Variants in NAA15 observed in about 807,000 individuals in gnomAD.
NAA15 encodes N-alpha-acetyltransferase 15, NatA auxiliary subunit.
NAA15 carries 34 observed loss-of-function variants against 114.0 expected under a neutral mutation model. That is an observed-to-expected ratio of 0.30 (90% CI 0.23 to 0.40). The LOEUF is 0.40. Ranked by LOEUF, NAA15 falls within the 10% of genes least tolerant of loss-of-function variation. The pLI is 1.00. For missense variants in NAA15, 658 were observed against 1,004.5 expected (o/e 0.66, Z 4.66); for synonymous variants, 340 against 338.0 (o/e 1.01, Z -0.06).
At chr4:139,380,258 TG>T (rs35235136) in intron 17 of NAA15, among the ~76,000 whole-genome samples, 40,309 of 143,974 alleles carry the variant, frequency 0.28, 5,696 homozygotes, top group African/African-American at 0.34. Context: ...TTAGTTTTTT[TG>T]GGGGGGGGGA....
intron 6 of NAA15, among the ~76,000 whole-genome samples, chr4:139,347,100 A>G (rs918557427): frequency 3.3e-5 from 5 of 152,082 alleles, no homozygotes; most frequent in Non-Finnish European, 7.4e-5. Flanking sequence ...TTTTTGATGA[A>G]GTTGGCTTTT....
chr4:139,368,541 T>C (rs1458557619), intron 14 of NAA15, among the ~76,000 whole-genome samples: 1 of 152,210 alleles, frequency 6.6e-6, no homozygotes, highest in Non-Finnish European at 1.5e-5. Flanking sequence ...CATTGGTCTT[T>C]CCATAAGATT....
intron 1 of NAA15, among the ~76,000 whole-genome samples, chr4:139,322,847 A>G (rs1746665673): frequency 6.6e-6 from 1 of 151,704 alleles, no homozygotes; most frequent in Admixed American, 6.6e-5. Context: ...ATGCACCACC[A>G]TGCTTGGCTA....
intron 1 of NAA15, among the ~76,000 whole-genome samples, chr4:139,306,884 G>C (rs1198494580): frequency 1.3e-5 from 2 of 152,112 alleles, no homozygotes; most frequent in Admixed American, 1.3e-4. Flanking sequence ...TTGGTAGGTT[G>C]GTTGCTGTTG....
At chr4:139,317,869 A>C (rs1746466469) in intron 1 of NAA15, among the ~76,000 whole-genome samples, 1 of 152,166 alleles carries the variant, frequency 6.6e-6, no homozygotes, top group African/African-American at 2.4e-5. Context: ...TCTGTCAATC[A>C]TGTGTGTAAT....
intron 1 of NAA15, among the ~76,000 whole-genome samples, chr4:139,312,594 C>T (rs763668831): frequency 6.6e-5 from 10 of 151,770 alleles, no homozygotes; most frequent in African/African-American, 9.7e-5. Context: ...CTTGTAATCC[C>T]ATCGCTTTGG....
rs1560966086 is a variant in NAA15, at chr4:139,342,853, C to T, written c.430C>T (p.Arg144Ter). Residue 144 changes from arginine (R) to a stop codon, truncating the protein, a stop_gained, in exon 5 of 20, where the codon CGA (arginine) becomes TGA (stop). Transcript: ENST00000296543. LOFTEE classifies it high-confidence loss of function. ...AACGAGGTATCAGTTACTTCAGCTT[C>T]GACCTGCGCAGAGAGCATCATGGAT... is the stretch of plus-strand genomic sequence containing the variant. ...RETRYQLLQL[R>*]PAQRASWIGY... The T allele has an allele frequency of 6.2e-7, 1 of 1,612,284 alleles. No homozygotes were observed. Among genetic ancestry groups the T allele is most frequent in the South Asian group, 1.1e-5 (1 of 90,566 alleles).
At chr4:139,380,982 G>T (rs1748736403) in intron 17 of NAA15, among the ~76,000 whole-genome samples, 1 of 152,130 alleles carries the variant, frequency 6.6e-6, no homozygotes, top group Non-Finnish European at 1.5e-5. Flanking sequence ...TGTTGTAACT[G>T]CTTCTTTACA....
intron 3 of NAA15, among the ~76,000 whole-genome samples, 166 bp from the exon 4 acceptor site, chr4:139,340,746 A>G (rs1466056685): frequency 6.6e-6 from 1 of 152,154 alleles, no homozygotes; most frequent in Non-Finnish European, 1.5e-5. Context: ...GCTCTTTTCC[A>G]CTGTATTAAA....
Position 139,344,333 on chromosome 4 carries a change from A to G in NAA15, c.685A>G (p.Thr229Ala). Residue 229 changes from threonine to alanine, a missense_variant, in exon 6 of 20, where the codon ACC (threonine) becomes GCC (alanine). Transcript: ENST00000296543. ...TTGTGATAAACTTGCTGTAGAAGAAACCAAAGGTATTTTTAAAAGAATTGT... is the reference window on the plus strand; with the variant it reads ...TTGTGATAAACTTGCTGTAGAAGAAGCCAAAGGTATTTTTAAAAGAATTGT... ...QICDKLAVEE[T>A]KGELLLQLCR... The G allele has an allele frequency of 2.5e-6, 4 of 1,603,710 alleles. No homozygotes were observed. The highest frequency in any genetic ancestry group is 3.4e-6 in the Non-Finnish European group (4 of 1,175,588).
At chr4:139,303,040 G>C (rs542059308) in intron 1 of NAA15, among the ~76,000 whole-genome samples, 20 of 152,284 alleles carry the variant, frequency 1.3e-4, no homozygotes, top group Middle Eastern at 3.4e-3. Context: ...AACAACTCTG[G>C]GGATTCAGTT....
chr4:139,377,302 C>T (rs113869776), intron 16 of NAA15, among the ~76,000 whole-genome samples: 8,299 of 152,054 alleles, frequency 0.055, 256 homozygotes, highest in East Asian at 0.1. Context: ...TTTGGGAGGC[C>T]GAGGCAGGTG....
intron 4 of NAA15, 55 bp downstream of exon 4, chr4:139,341,124 T>C: frequency 8.1e-7 from 1 of 1,228,886 alleles, no homozygotes; most frequent in East Asian, 2.8e-5. Context: ...ATGTACAACT[T>C]TGAGTACTTT....
intron 3 of NAA15, among the ~76,000 whole-genome samples, chr4:139,338,768 C>T (rs921295286): frequency 6.7e-6 from 1 of 149,918 alleles, no homozygotes; most frequent in Non-Finnish European, 1.5e-5. Context: ...ATTTTATTGA[C>T]TCTGTTGAGG....
intron 18 of NAA15, 61 bp downstream of exon 18, chr4:139,385,039 CAAT>C: frequency 7.6e-7 from 1 of 1,310,192 alleles, no homozygotes; most frequent in South Asian, 1.8e-5. Context: ...AATGAATCAA[CAAT>C]AATATAAGGT....
At chr4:139,332,291 C>T (rs1747038641) in intron 1 of NAA15, among the ~76,000 whole-genome samples, 1 of 151,856 alleles carries the variant, frequency 6.6e-6, no homozygotes, top group Non-Finnish European at 1.5e-5. Context: ...CCACCATGCC[C>T]AGCTAATTTT....
intron 9 of NAA15, among the ~76,000 whole-genome samples, 170 bp downstream of exon 9, chr4:139,351,781 CTT>C (rs201010120): frequency 6.6e-6 from 1 of 151,944 alleles, no homozygotes; most frequent in African/African-American, 2.4e-5. Flanking sequence ...ATTTCATCCT[CTT>C]TTTTTTCTTT....
chr4:139,308,760 T>A (rs1746112364), intron 1 of NAA15, among the ~76,000 whole-genome samples: 1 of 151,952 alleles, frequency 6.6e-6, no homozygotes, highest in South Asian at 2.1e-4. Context: ...GGATTACAGG[T>A]GTCCACCACC....
rs1311641552 is a variant in NAA15 at position 139,389,384 on chromosome 4, G to A, written c.*1300G>A. 1 of 152,556 alleles carries A rather than the reference G, an allele frequency of 6.6e-6. No homozygotes were observed. Among genetic ancestry groups the A allele is most frequent in the Non-Finnish European group, 1.5e-5 (1 of 68,030 alleles). 9.5% of individuals were successfully genotyped at this position (152,556 alleles called of 1,614,324 possible). On this transcript the variant is annotated 3_prime_UTR_variant, in exon 20 of 20. Transcript: ENST00000296543. ...TGTGAAATACACAGGTGGAAACAGAGGTGCAAGCCAGAGGCAATGTAATAT... is the reference window on the plus strand; with the variant it reads ...TGTGAAATACACAGGTGGAAACAGAAGTGCAAGCCAGAGGCAATGTAATAT...
Sources: allele counts gnomAD v4.1 joint callset (sites outside exome capture counted in the v4.1 genomes callset), GRCh38; gene constraint gnomAD v4.1.1; transcripts MANE v1.5; gene names NCBI Gene and HGNC (gene_info 2026-07-23, HGNC 2026-07-21).